AGL: variants seen among roughly 807,000 people sequenced by gnomAD.
AGL encodes glycogen debranching enzyme.
A neutral mutation model predicts 199.3 loss-of-function variants in AGL; 128 were observed. The observed-to-expected ratio is 0.64, with a 90% CI of 0.56 to 0.74. AGL has a LOEUF of 0.74. Ranked by LOEUF, AGL falls within the 30% of genes least tolerant of loss-of-function variation. The probability of loss-of-function intolerance (pLI) is 0.00; values close to 1 mark genes in which losing one functional copy is unlikely to be tolerated. For synonymous variants in AGL, 584 were observed against 594.7 expected (o/e 0.98, Z 0.26); for missense variants, 1,809 against 1,820.8 (o/e 0.99, Z 0.12).
intron 25 of AGL, among the ~76,000 whole-genome samples, chr1:99,898,601 T>C (rs1387303015): frequency 6.6e-6 from 1 of 152,152 alleles, no homozygotes; most frequent in African/African-American, 2.4e-5. Flanking sequence ...AAAATTTATT[T>C]CTTGCTTGTA....
chr1:99,873,252 C>T lies in AGL; in HGVS notation c.959-1435C>T, dbSNP rs192910041. Among the ~76,000 whole-genome samples the T allele has an allele frequency of 1.4e-3, 209 of 151,836 alleles. 1 individual carries two copies. The highest frequency in any genetic ancestry group is 5.0e-3 in the African/African-American group (205 of 41,384). On this transcript the variant is annotated intron_variant, in intron 7 of 33. Coordinates refer to ENST00000361915, the MANE Select transcript of AGL (RefSeq NM_000642.3). ...AATTATATTGAGTTGAAAATCCATC[C>T]TTTTATACTGATTTGAAGTACCACC...
intron 27 of AGL, 25 bp from the exon 28 acceptor site, chr1:99,910,687 A>T (rs1557788153): frequency 7.1e-7 from 1 of 1,416,006 alleles, no homozygotes. Context: ...ATAAAATTTT[A>T]TTTTATACAC....
At chr1:99,850,051 G>T (rs1377069103), upstream of AGL, 1 of 152,338 alleles carries the variant, frequency 6.6e-6, no homozygotes, top group African/African-American at 2.4e-5. Flanking sequence ...ACGCTCTCGC[G>T]AGACTAGCGG....
intron 2 of AGL, chr1:99,852,643 TG>T: frequency 1.3e-6 from 1 of 764,996 alleles, no homozygotes; most frequent in Non-Finnish European, 2.4e-6. Context: ...CTGAAAGTAC[TG>T]GGATTACAAG....
intron 2 of AGL, among the ~76,000 whole-genome samples, chr1:99,855,792 C>T (rs140862806): frequency 0.011 from 1,619 of 151,278 alleles, 19 homozygotes; most frequent in African/African-American, 0.038. Context: ...CAGAGCGAGA[C>T]TCGGTCTCAA....
Position 99,852,613 on chromosome 1 carries a change from C to T in AGL, c.82+1489C>T. The T allele has an allele frequency of 4.1e-6, 3 of 735,948 alleles. No individual in the cohort carries two copies. The highest frequency in any genetic ancestry group is 2.3e-4 in the Middle Eastern group (1 of 4,366). The allele number at this position is 735,948 out of a possible 1,614,324, so 45.6% of individuals were successfully genotyped here. A position where few individuals can be genotyped will look rare whatever the true frequency, so the allele number is the denominator to read the frequency against. On this transcript the variant is annotated intron_variant, in intron 2 of 33. Coordinates refer to ENST00000361915, the MANE Select transcript of AGL (RefSeq NM_000642.3). ...TTGATATTGAACTCCTGGACTCAAGCAACCCTCCCTCTTTGGCCTCTGAAA... is the reference window on the plus strand; with the variant it reads ...TTGATATTGAACTCCTGGACTCAAGTAACCCTCCCTCTTTGGCCTCTGAAA...
chr1:99,920,935 C>T (rs556392710), intron 33 of AGL, among the ~76,000 whole-genome samples: 1 of 152,252 alleles, frequency 6.6e-6, no homozygotes, highest in African/African-American at 2.4e-5. Flanking sequence ...ATCTCTCTTA[C>T]CTCTCTATAG....
Position 99,876,515 on chromosome 1 carries a change from T to C in AGL, c.1341T>C (p.His447=). The change falls in exon 11 of 34, where the codon CAT becomes CAC. Residue 447 remains histidine (H), a synonymous_variant. Transcript: ENST00000361915. Reference sequence around the variant, plus strand: ...TCTCCATGGAAGAATCTATGATTCATCTGCCAAATAAAGCTTGTTTTCTGA... The same window carrying C: ...TCTCCATGGAAGAATCTATGATTCACCTGCCAAATAAAGCTTGTTTTCTGA... ...IDFSMEESMI[H]LPNKACFLMA... The C allele has an allele frequency of 6.2e-7, 1 of 1,613,204 alleles. No individual in the cohort carries two copies. Among genetic ancestry groups the C allele is most frequent in the Non-Finnish European group, 8.5e-7 (1 of 1,179,164 alleles).
intron 5 of AGL, among the ~76,000 whole-genome samples, chr1:99,869,964 T>C: frequency 6.6e-6 from 1 of 152,178 alleles, no homozygotes; most frequent in Non-Finnish European, 1.5e-5. Context: ...TTATCTTCAA[T>C]GTTGTAAATA....
chr1:99,862,887 C>G (rs577954), intron 4 of AGL, among the ~76,000 whole-genome samples: 4,627 of 151,956 alleles, frequency 0.03, 225 homozygotes, highest in African/African-American at 0.11. Context: ...CTTTTTGCCT[C>G]TATGTTTAAT....
chr1:99,866,161 G>C (rs1421573380), intron 5 of AGL, among the ~76,000 whole-genome samples: 1 of 152,072 alleles, frequency 6.6e-6, no homozygotes, highest in East Asian at 1.9e-4. Context: ...TAATCACTTT[G>C]AGATCTATAA....
intron 25 of AGL, among the ~76,000 whole-genome samples, chr1:99,897,332 T>G (rs973249592): frequency 3.3e-5 from 5 of 152,136 alleles, no homozygotes; most frequent in Admixed American, 6.5e-5. Context: ...GGCAGAAATC[T>G]GTGTTTTCAC....
At chr1:99,898,478 C>T (rs572368766) in intron 25 of AGL, among the ~76,000 whole-genome samples, 7 of 152,204 alleles carry the variant, frequency 4.6e-5, no homozygotes, top group Admixed American at 6.5e-5. Flanking sequence ...TTGCCTACCC[C>T]GATCTAGAGG....
At chr1:99,912,550 C>T in intron 29 of AGL, 33 bp downstream of exon 29, 3 of 1,424,368 alleles carry the variant, frequency 2.1e-6, no homozygotes, top group Non-Finnish European at 3.0e-6. Flanking sequence ...AAAGAACCTT[C>T]AAATGTACTA....
At chr1:99,870,982 T>C in intron 7 of AGL, 113 bp downstream of exon 7, 1 of 706,706 alleles carries the variant, frequency 1.4e-6, no homozygotes. Flanking sequence ...ATTATATTTG[T>C]GTTATTGTTG....
intron 15 of AGL, 56 bp from the exon 16 acceptor site, chr1:99,881,236 T>TA (rs1234023482): frequency 2.2e-5 from 35 of 1,613,218 alleles, no homozygotes; most frequent in Admixed American, 5.0e-5. Flanking sequence ...GCATTTTTAT[T>TA]AAAAAAAATT....
intron 12 of AGL, 142 bp from the exon 13 acceptor site, chr1:99,879,781 T>G (rs1220623610): frequency 1.4e-6 from 1 of 692,250 alleles, no homozygotes; most frequent in Non-Finnish European, 2.6e-6. Flanking sequence ...CTCTTGTTTC[T>G]ATGTGTTTTG....
chr1:99,900,890 G>A, intron 26 of AGL, 29 bp downstream of exon 26: 1 of 1,307,086 alleles, frequency 7.7e-7, no homozygotes, highest in African/African-American at 1.6e-5. Context: ...ATGTTTTTTT[G>A]TTTTTTTTTT....
chr1:99,875,303 ATTTTTT>A, intron 9 of AGL, 47 bp downstream of exon 9: 1 of 1,611,890 alleles, frequency 6.2e-7, no homozygotes, highest in Non-Finnish European at 8.5e-7. Flanking sequence ...TCTTACTACT[ATTTTTT>A]TGTTGTCTTG....
Sources: gnomAD v4.1 joint callset for allele counts (sites outside exome capture counted in the v4.1 genomes callset) on GRCh38, gnomAD v4.1.1 for gene constraint, MANE v1.5 for transcripts, NCBI Gene and HGNC (gene_info 2026-07-23, HGNC 2026-07-21) for gene names.